SYN2: variants seen among roughly 807,000 people sequenced by gnomAD.
SYN2 encodes the protein synapsin II.
In SYN2, 19 loss-of-function variants were observed where a neutral mutation model predicts 50.9. The observed-to-expected ratio is 0.37, with a 90% confidence interval of 0.26 to 0.55. The LOEUF (loss-of-function observed/expected upper bound fraction) is 0.55, where lower values mean the gene tolerates loss of function less well. SYN2 is among the 20% of genes least tolerant of loss of function. SYN2 has a pLI of 0.81. For missense variants in SYN2, 587 were observed against 576.4 expected, an observed-to-expected ratio of 1.02 and a Z score of -0.19; for synonymous variants, 255 against 224.9, an observed-to-expected ratio of 1.13 and a Z score of -1.20.
At chr3:12,140,833 C>T in intron 2 of SYN2, 125 bp downstream of exon 2, 1 of 693,692 alleles carries the variant, frequency 1.4e-6, no homozygotes, top group South Asian at 1.5e-5. Flanking sequence ...GACTCTGCAT[C>T]TCCTCTCTCT....
At chr3:12,137,967 C>T (rs1247748299) in intron 1 of SYN2, among the ~76,000 whole-genome samples, 1 of 152,176 alleles carries the variant, frequency 6.6e-6, no homozygotes, top group African/African-American at 2.4e-5. Flanking sequence ...TCCCTAAGGT[C>T]ATACAACCAG....
chr3:12,151,278 A>T lies in SYN2; in HGVS notation c.726A>T (p.Glu242Asp). The change falls in exon 5 of 13, where the codon GAA becomes GAT. Residue 242 changes from glutamate to aspartate, a missense_variant. Physicochemically the swap from Glu to Asp is conservative, Grantham distance 45. Coordinates refer to ENST00000621198, the MANE Select transcript of SYN2 (RefSeq NM_133625.6). ...LVAIYKTLGG[E>D]KFPLIEQTYY... ...CTATCTATAAGACACTGGGAGGAGA[A>T]AAGTTCCCTCTCATTGAACAGACAT... 11 of 1,613,532 alleles carry T rather than the reference A, an allele frequency of 6.8e-6. No homozygotes were observed. Among genetic ancestry groups the T allele is most frequent in the Non-Finnish European group, 8.5e-6 (10 of 1,179,774 alleles).
intron 1 of SYN2, among the ~76,000 whole-genome samples, chr3:12,115,717 A>G (rs1696418907): frequency 6.6e-6 from 1 of 152,114 alleles, no homozygotes; most frequent in South Asian, 2.1e-4. Flanking sequence ...CTAAATTTAC[A>G]TTAGGGTAAA....
intron 1 of SYN2, among the ~76,000 whole-genome samples, chr3:12,050,590 G>A (rs753234195): frequency 6.4e-4 from 96 of 149,358 alleles, no homozygotes; most frequent in Non-Finnish European, 1.1e-3. Context: ...GTGATCTGTC[G>A]GCCTCAGTCT....
At chr3:12,050,316 C>T (rs903121087) in intron 1 of SYN2, among the ~76,000 whole-genome samples, 1 of 151,488 alleles carries the variant, frequency 6.6e-6, no homozygotes, top group Admixed American at 6.6e-5. Context: ...TTCTTTGACC[C>T]AGGAATGGCT....
At chr3:12,008,107 G>A (rs960764197) in intron 1 of SYN2, among the ~76,000 whole-genome samples, 1 of 152,174 alleles carries the variant, frequency 6.6e-6, no homozygotes, top group African/African-American at 2.4e-5. Context: ...ACAAGGAACA[G>A]GTGTTTATGT....
intron 1 of SYN2, among the ~76,000 whole-genome samples, chr3:12,105,936 A>G (rs528743579): frequency 9.9e-5 from 15 of 152,194 alleles, no homozygotes; most frequent in African/African-American, 3.6e-4. Context: ...TTGCTACATA[A>G]CAACACCTAT....
intron 1 of SYN2, among the ~76,000 whole-genome samples, chr3:12,085,725 G>A (rs1033866600): frequency 2.0e-5 from 3 of 152,068 alleles, no homozygotes; most frequent in Non-Finnish European, 4.4e-5. Flanking sequence ...TGGAAACACA[G>A]CATACCAAAA....
chr3:12,117,864 C>T (rs184657540), intron 1 of SYN2, among the ~76,000 whole-genome samples: 35 of 152,310 alleles, frequency 2.3e-4, no homozygotes, highest in African/African-American at 7.9e-4. Context: ...CCATATCTTC[C>T]TATCTTGGCC....
intron 1 of SYN2, among the ~76,000 whole-genome samples, chr3:12,044,012 A>C (rs746576763): frequency 2.6e-5 from 4 of 152,090 alleles, no homozygotes; most frequent in Non-Finnish European, 5.9e-5. Context: ...ATGAGGATGG[A>C]GATCTTGTCT....
rs68043865 is a variant in SYN2 at position 12,164,984 on chromosome 3, CTTTTT to C, written c.981-2233_981-2229del. Among the ~76,000 whole-genome samples the C allele has an allele frequency of 4.0e-4, 37 of 92,324 alleles. No individual in the cohort carries two copies. In the East Asian group the frequency reaches 0.011, roughly 26 times the overall value. The allele number at this position is 92,324 out of a possible 152,430, so 60.6% of individuals were successfully genotyped here. The stretch of plus-strand genomic sequence containing the variant: ...TTCAGTTTCTTCCTTTTTTTCTTTT[CTTTTT>C]TTTTTTTTTTTTTTTTGAGACAGAG... On this transcript the variant is annotated intron_variant, in intron 7 of 12. Coordinates refer to ENST00000621198, the MANE Select transcript of SYN2 (RefSeq NM_133625.6).
intron 8 of SYN2, 63 bp downstream of exon 8, chr3:12,167,371 A>T: frequency 6.6e-7 from 1 of 1,521,044 alleles, no homozygotes; most frequent in Non-Finnish European, 9.0e-7. Flanking sequence ...TAGATGAAGA[A>T]GTTTAGGAAT....
At chr3:12,130,675 T>C (rs1696778573) in intron 1 of SYN2, among the ~76,000 whole-genome samples, 1 of 152,190 alleles carries the variant, frequency 6.6e-6, no homozygotes, top group Admixed American at 6.5e-5. Context: ...ACACATAAAA[T>C]TAACTGTCAT....
At chr3:12,056,182 T>TA (rs1404966532) in intron 1 of SYN2, among the ~76,000 whole-genome samples, 5 of 151,892 alleles carry the variant, frequency 3.3e-5, no homozygotes, top group South Asian at 2.1e-4. Flanking sequence ...TTTTTTTTTT[T>TA]AAATAGGCAA....
rs1161882070 is a variant in SYN2 at position 12,192,026 on chromosome 3, A to G, written c.*1401A>G. ...ACCAATAAAAAATCCATATATTAAA[A>G]TGTTAATATCTGAATGTTAATAAGT... On this transcript the variant is annotated 3_prime_UTR_variant, in exon 13 of 13. Coordinates refer to ENST00000621198, the MANE Select transcript of SYN2 (RefSeq NM_133625.6). 2.0e-5 allele frequency among the ~76,000 whole-genome samples: 3 copies of G among 152,230 alleles called. No homozygotes were observed. The highest frequency in any genetic ancestry group is 4.4e-5 in the Non-Finnish European group (3 of 68,050).
intron 1 of SYN2, among the ~76,000 whole-genome samples, chr3:12,054,665 A>T: frequency 1.2e-5 from 1 of 84,262 alleles, no homozygotes; most frequent in African/African-American, 4.8e-5. Flanking sequence ...GCATCCTGGG[A>T]CTTTTTTTTT....
chr3:12,151,136 C>A, intron 4 of SYN2, 101 bp from the exon 5 acceptor site: 1 of 813,206 alleles, frequency 1.2e-6, no homozygotes, highest in Non-Finnish European at 2.1e-6. Context: ...AGCATAAAGT[C>A]CTCCACAGAG....
intron 1 of SYN2, among the ~76,000 whole-genome samples, chr3:12,086,820 C>G (rs1695711322): frequency 6.6e-6 from 1 of 152,160 alleles, no homozygotes; most frequent in South Asian, 2.1e-4. Flanking sequence ...GGATGCTACT[C>G]TTGCCACTTC....
intron 1 of SYN2, among the ~76,000 whole-genome samples, chr3:12,010,851 T>A (rs892059358): frequency 6.6e-6 from 1 of 152,244 alleles, no homozygotes; most frequent in Non-Finnish European, 1.5e-5. Context: ...TACCTCCTTG[T>A]TACATTATTG....
Sources: gnomAD v4.1 joint callset for allele counts (sites outside exome capture counted in the v4.1 genomes callset) on GRCh38, gnomAD v4.1.1 for gene constraint, MANE v1.5 for transcripts, NCBI Gene and HGNC (gene_info 2026-07-23, HGNC 2026-07-21) for gene names.